Variants in TTC23 observed in about 807,000 individuals in gnomAD.
TTC23 encodes the protein tetratricopeptide repeat domain 23.
TTC23 carries 58 observed loss-of-function variants against 55.1 expected under a neutral mutation model. That is an observed-to-expected ratio of 1.05 (90% CI 0.85 to 1.31). The LOEUF is 1.31. Among genes scored for constraint, TTC23 ranks in the 50% most tolerant of loss-of-function variants. The pLI is 0.00. For synonymous variants in TTC23, 203 were observed against 199.9 expected, an observed-to-expected ratio of 1.02 and a Z score of -0.13; for missense variants, 516 against 534.4, an observed-to-expected ratio of 0.97 and a Z score of 0.34.
At chr15:99,221,031 G>A (rs1048737360) in intron 6 of TTC23, among the ~76,000 whole-genome samples, 16 of 152,174 alleles carry the variant, frequency 1.1e-4, no homozygotes, top group African/African-American at 3.9e-4. Context: ...CCTTGCCTTT[G>A]GTATACAACC....
chr15:99,146,663 G>T (rs8038315), intron 12 of TTC23, among the ~76,000 whole-genome samples: 21,872 of 152,228 alleles, frequency 0.14, 2,470 homozygotes, highest in African/African-American at 0.32. Flanking sequence ...CATGGTCAGA[G>T]TTCTGATGTT....
intron 12 of TTC23, among the ~76,000 whole-genome samples, chr15:99,141,384 A>G (rs1362035253): frequency 6.6e-6 from 1 of 152,160 alleles, no homozygotes; most frequent in African/African-American, 2.4e-5. Flanking sequence ...AACCATAGTA[A>G]AATAAGAAGA....
chr15:99,205,861 A>G (rs1387940455), intron 8 of TTC23, among the ~76,000 whole-genome samples: 1 of 152,176 alleles, frequency 6.6e-6, no homozygotes, highest in East Asian at 1.9e-4. Flanking sequence ...TAAAAATGGT[A>G]AAAGTAGGCA....
At chr15:99,217,406 C>G (rs1006971633) in intron 8 of TTC23, among the ~76,000 whole-genome samples, 7 of 152,168 alleles carry the variant, frequency 4.6e-5, no homozygotes, top group Non-Finnish European at 1.0e-4. Flanking sequence ...ATCCACCTGC[C>G]TCAGCCTCCC....
At chr15:99,141,893 GAAGTAGTA>G (rs2068270636) in intron 12 of TTC23, among the ~76,000 whole-genome samples, 1 of 152,070 alleles carries the variant, frequency 6.6e-6, no homozygotes, top group Non-Finnish European at 1.5e-5. Flanking sequence ...ACAATATCAA[GAAGTAGTA>G]AACTCTTCTT....
chr15:99,232,694 T>C (rs747169678), intron 4 of TTC23, among the ~76,000 whole-genome samples: 2 of 152,162 alleles, frequency 1.3e-5, no homozygotes, highest in Non-Finnish European at 2.9e-5. Flanking sequence ...CCTTGCACAT[T>C]GTTGGTGGGA....
chr15:99,221,694 C>G (rs116354949), intron 6 of TTC23, 47 bp downstream of exon 6: 6 of 1,609,678 alleles, frequency 3.7e-6, no homozygotes, highest in Middle Eastern at 1.7e-4. Context: ...TTGGGGAGAA[C>G]AGCAGAAATC....
intron 4 of TTC23, among the ~76,000 whole-genome samples, chr15:99,233,015 T>C (rs2079050165): frequency 6.6e-6 from 1 of 152,196 alleles, no homozygotes; most frequent in African/African-American, 2.4e-5. Flanking sequence ...AATACTATGT[T>C]AAGTGAAATA....
intron 4 of TTC23, among the ~76,000 whole-genome samples, chr15:99,233,379 T>A (rs1291581053): frequency 6.6e-6 from 1 of 152,166 alleles, no homozygotes; most frequent in African/African-American, 2.4e-5. Context: ...TACTAAAAGG[T>A]TAATGAGAAT....
intron 9 of TTC23, among the ~76,000 whole-genome samples, chr15:99,196,474 G>C (rs1271006152): frequency 1.3e-5 from 2 of 152,278 alleles, no homozygotes; most frequent in Non-Finnish European, 1.5e-5. Context: ...ACTAACAAAA[G>C]TTGTAAACCC....
At chr15:99,176,708 CTTTTT>C (rs1282647426) in intron 9 of TTC23, among the ~76,000 whole-genome samples, 1 of 152,068 alleles carries the variant, frequency 6.6e-6, no homozygotes, top group African/African-American at 2.4e-5. Context: ...CACTTTAATT[CTTTTT>C]TATTTGTGAT....
intron 9 of TTC23, among the ~76,000 whole-genome samples, chr15:99,196,666 T>C (rs981296960): frequency 1.3e-5 from 2 of 152,218 alleles, no homozygotes; most frequent in Non-Finnish European, 2.9e-5. Context: ...CACCTGAGTA[T>C]GGGCTGTCTC....
chr15:99,226,686 A>G (rs1342099023), intron 5 of TTC23, among the ~76,000 whole-genome samples: 1 of 151,858 alleles, frequency 6.6e-6, no homozygotes, highest in African/African-American at 2.4e-5. Context: ...TACCCTGTAG[A>G]TTTATGTGTG....
chr15:99,168,927 G>A (rs1159539118), intron 10 of TTC23, among the ~76,000 whole-genome samples: 2 of 152,174 alleles, frequency 1.3e-5, no homozygotes, highest in Non-Finnish European at 2.9e-5. Flanking sequence ...TAGCACCTGG[G>A]TTCCATTCTA....
chr15:99,190,993 C>T (rs932785622), intron 9 of TTC23, among the ~76,000 whole-genome samples: 1 of 152,022 alleles, frequency 6.6e-6, no homozygotes, highest in African/African-American at 2.4e-5. Context: ...CCATGTTGCC[C>T]AGGCTGGTCT....
chr15:99,226,076 A>C (rs568394197), intron 5 of TTC23, among the ~76,000 whole-genome samples: 1 of 152,274 alleles, frequency 6.6e-6, no homozygotes. Context: ...CCAAGATATC[A>C]AGATCATGAA....
chr15:99,189,175 A>G (rs1388322424), intron 9 of TTC23, among the ~76,000 whole-genome samples: 1 of 152,196 alleles, frequency 6.6e-6, no homozygotes, highest in African/African-American at 2.4e-5. Flanking sequence ...ACTGCTATAA[A>G]GTTCATAGTA....
intron 8 of TTC23, among the ~76,000 whole-genome samples, chr15:99,210,611 G>A (rs1482827920): frequency 6.6e-6 from 1 of 152,202 alleles, no homozygotes; most frequent in Non-Finnish European, 1.5e-5. Context: ...GCATCTGTAA[G>A]AGCCTTTATG....
intron 5 of TTC23, among the ~76,000 whole-genome samples, chr15:99,224,314 A>T (rs986999645): frequency 1.3e-5 from 2 of 152,238 alleles, no homozygotes; most frequent in Non-Finnish European, 2.9e-5. Context: ...CCGCCTAGAG[A>T]TATCTAGGTA....
Sources: allele counts gnomAD v4.1 joint callset (sites outside exome capture counted in the v4.1 genomes callset), GRCh38; gene constraint gnomAD v4.1.1; transcripts MANE v1.5; gene names NCBI Gene and HGNC (gene_info 2026-07-23, HGNC 2026-07-21).